RAB30: variants seen among roughly 807,000 people sequenced by gnomAD.
RAB30 encodes the protein RAB30, member RAS oncogene family.
RAB30 carries 9 observed loss-of-function variants against 25.1 expected under a neutral mutation model. The ratio of observed to expected loss-of-function variants is 0.36; its 90% CI spans 0.22 to 0.63. RAB30 has a LOEUF of 0.63. Ranked by LOEUF, RAB30 falls within the 20% of genes least tolerant of loss-of-function variation. The pLI is 0.69. For missense variants in RAB30, 140 were observed against 243.5 expected (o/e 0.58, Z 2.83); for synonymous variants, 77 against 86.4 (o/e 0.89, Z 0.60).
At chr11:83,061,751 A>T (rs1187017313) in intron 1 of RAB30, among the ~76,000 whole-genome samples, 2 of 138,890 alleles carry the variant, frequency 1.4e-5, no homozygotes, top group Non-Finnish European at 3.0e-5. Flanking sequence ...GGGTCTTACA[A>T]CGTTGCCCAG....
At chr11:83,032,291 T>TA (rs1857882615) in intron 1 of RAB30, among the ~76,000 whole-genome samples, 1 of 152,196 alleles carries the variant, frequency 6.6e-6, no homozygotes, top group South Asian at 2.1e-4. Flanking sequence ...CTTGGTTTTT[T>TA]AAAAAACAAC....
chr11:83,033,054 T>TA (rs1857908410), intron 1 of RAB30, among the ~76,000 whole-genome samples: 1 of 143,574 alleles, frequency 7.0e-6, no homozygotes, highest in Non-Finnish European at 1.5e-5. Context: ...TGCCTCAAAT[T>TA]CTTTTTTTTT....
intron 1 of RAB30, among the ~76,000 whole-genome samples, chr11:83,064,264 A>T (rs1858645269): frequency 6.6e-6 from 1 of 152,124 alleles, no homozygotes. Flanking sequence ...CAGCTAAAAA[A>T]TACAAAAATA....
At chr11:83,011,480 G>C (rs950959106) in intron 1 of RAB30, among the ~76,000 whole-genome samples, 1 of 152,144 alleles carries the variant, frequency 6.6e-6, no homozygotes, top group Non-Finnish European at 1.5e-5. Flanking sequence ...ACCAATCAAG[G>C]TTCCTAACAC....
intron 1 of RAB30, among the ~76,000 whole-genome samples, chr11:83,008,232 C>T (rs959549881): frequency 9.2e-5 from 14 of 152,174 alleles, no homozygotes; most frequent in Admixed American, 2.0e-4. Context: ...TCCTCTGCCC[C>T]GGAGATCAGA....
intron 1 of RAB30, among the ~76,000 whole-genome samples, chr11:82,998,321 A>G (rs1857003346): frequency 6.6e-6 from 1 of 152,198 alleles, no homozygotes; most frequent in Non-Finnish European, 1.5e-5. Flanking sequence ...AAAAGGGCAT[A>G]CTAAAAGAAT....
chr11:83,024,658 T>C (rs1857666424), intron 1 of RAB30, among the ~76,000 whole-genome samples: 1 of 152,220 alleles, frequency 6.6e-6, no homozygotes, highest in Non-Finnish European at 1.5e-5. Flanking sequence ...GGAAGTGGCA[T>C]TTGAACAAGA....
chr11:83,042,089 T>G (rs537316263), intron 1 of RAB30, among the ~76,000 whole-genome samples: 1 of 152,102 alleles, frequency 6.6e-6, no homozygotes, highest in South Asian at 2.1e-4. Context: ...TACTATTTGT[T>G]CAGTTTTTAA....
intron 4 of RAB30, among the ~76,000 whole-genome samples, chr11:82,983,638 C>T (rs1370206946): frequency 1.3e-5 from 2 of 151,818 alleles, no homozygotes; most frequent in Admixed American, 6.6e-5. Context: ...AGTTTCGCCA[C>T]GTCCAGGCTG....
intron 4 of RAB30, among the ~76,000 whole-genome samples, chr11:82,986,873 A>C (rs1175563207): frequency 6.6e-6 from 1 of 152,212 alleles, no homozygotes; most frequent in African/African-American, 2.4e-5. Flanking sequence ...GCTTCTAAGG[A>C]TCTCTACTCA....
chr11:83,024,333 C>A (rs1006144079), intron 1 of RAB30, among the ~76,000 whole-genome samples: 12 of 152,216 alleles, frequency 7.9e-5, no homozygotes, highest in African/African-American at 2.7e-4. Flanking sequence ...CGAGCAAGCT[C>A]CCCACCCATC....
chr11:83,016,238 A>C (rs1223920455), intron 1 of RAB30, among the ~76,000 whole-genome samples: 1 of 152,234 alleles, frequency 6.6e-6, no homozygotes, highest in African/African-American at 2.4e-5. Context: ...TCCTGATGAA[A>C]TGAGAGAAAG....
chr11:83,005,073 G>A (rs1188947497), intron 1 of RAB30, among the ~76,000 whole-genome samples: 1 of 152,128 alleles, frequency 6.6e-6, no homozygotes. Flanking sequence ...TCACCAGACT[G>A]TAAACTCCAG....
chr11:83,008,362 G>T (rs993877224), intron 1 of RAB30, among the ~76,000 whole-genome samples: 1 of 152,242 alleles, frequency 6.6e-6, no homozygotes, highest in Non-Finnish European at 1.5e-5. Context: ...TGAGAGGGAA[G>T]CAAGTGTCCA....
intron 2 of RAB30, among the ~76,000 whole-genome samples, chr11:82,994,477 A>T (rs1856919494): frequency 1.3e-5 from 2 of 152,232 alleles, no homozygotes; most frequent in African/African-American, 4.8e-5. Context: ...ATTGAAGGGC[A>T]TGCGACCACA....
At chr11:83,062,677 C>T (rs941664465) in intron 1 of RAB30, among the ~76,000 whole-genome samples, 1 of 152,070 alleles carries the variant, frequency 6.6e-6, no homozygotes, top group African/African-American at 2.4e-5. Flanking sequence ...TCCTTTGAGC[C>T]CCACAATAAT....
At position 82,987,786 on chromosome 11, in the gene RAB30, A is replaced by G; in HGVS notation, c.178-16T>C. Reference sequence around the variant, plus strand: ...AGATCTGTAGCTGTAAAGGCATAAGATAAGAATCAGGTGAAGAAGGATCAG... The same window carrying G: ...AGATCTGTAGCTGTAAAGGCATAAGGTAAGAATCAGGTGAAGAAGGATCAG... On this transcript the variant is annotated splice_polypyrimidine_tract_variant and intron_variant, in intron 3 of 4. Transcript: ENST00000527633. The G allele has an allele frequency of 6.4e-7, 1 of 1,561,046 alleles. No homozygotes were observed. Among genetic ancestry groups the G allele is most frequent in the Non-Finnish European group, 8.8e-7 (1 of 1,142,522 alleles).
At chr11:83,016,620 C>T (rs1857444384) in intron 1 of RAB30, among the ~76,000 whole-genome samples, 1 of 152,164 alleles carries the variant, frequency 6.6e-6, no homozygotes, top group South Asian at 2.1e-4. Flanking sequence ...TAACAAATAA[C>T]ATTGGTAGGC....
chr11:83,023,554 C>T (rs1463735062), intron 1 of RAB30, among the ~76,000 whole-genome samples: 1 of 152,156 alleles, frequency 6.6e-6, no homozygotes, highest in African/African-American at 2.4e-5. Flanking sequence ...ATCTCCCCTG[C>T]ACCAGTGCTG....
Sources: allele counts gnomAD v4.1 joint callset (sites outside exome capture counted in the v4.1 genomes callset), GRCh38; gene constraint gnomAD v4.1.1; transcripts MANE v1.5; gene names NCBI Gene and HGNC (gene_info 2026-07-23, HGNC 2026-07-21).